SLX4: variants seen among roughly 807,000 people sequenced by gnomAD.
The protein encoded by SLX4 is SLX4 structure-specific endonuclease subunit.
A neutral mutation model predicts 146.2 loss-of-function variants in SLX4; 112 were observed. The observed-to-expected ratio is 0.77, with a 90% CI of 0.66 to 0.90. SLX4 has a LOEUF of 0.90. Among genes scored for constraint, SLX4 ranks in the 40% least tolerant of loss-of-function variants. SLX4 has a pLI of 0.00. For synonymous variants in SLX4, 1,061 were observed against 997.7 expected (o/e 1.06, Z -1.20); for missense variants, 2,563 against 2,392.7 (o/e 1.07, Z -1.49).
intron 14 of SLX4, 26 bp downstream of exon 14, chr16:3,583,071 T>A: frequency 6.2e-7 from 1 of 1,614,138 alleles, no homozygotes. Context: ...ATGAGGCCAC[T>A]GACCCCATCG....
Position 3,582,455 on chromosome 16 carries a change from A to C in SLX4, c.5392T>G (p.Leu1798Val), listed in dbSNP as rs1297712583. Residue 1798 changes from leucine (L) to valine (V), a missense_variant, in exon 15 of 15, where the codon TTG becomes GTG. Coordinates refer to ENST00000294008, the MANE Select transcript of SLX4 (RefSeq NM_032444.4). Reference protein sequence around the residue: ...NGLRVSSRRLLDFLDTHCITF... With the variant: ...NGLRVSSRRLVDFLDTHCITF... ...ATACAGTGGGTGTCCAGGAAGTCCA[A>C]CAGCCTGCGCGAGGACACACGGAGG... The C allele has an allele frequency of 1.9e-6, 3 of 1,613,840 alleles. No homozygotes were observed. The highest frequency in any genetic ancestry group is 2.5e-6 in the Non-Finnish European group (3 of 1,180,040).
At chr16:3,608,262 A>C (rs549503974) in intron 2 of SLX4, among the ~76,000 whole-genome samples, 168 bp downstream of exon 2, 26 of 152,360 alleles carry the variant, frequency 1.7e-4, no homozygotes, top group Admixed American at 7.2e-4. Context: ...TTTTACTGGC[A>C]TATGGCCATG....
chr16:3,583,609 G>A (rs368731354), intron 13 of SLX4, 99 bp from the exon 14 acceptor site: 50 of 1,351,356 alleles, frequency 3.7e-5, no homozygotes, highest in East Asian at 2.3e-4. Flanking sequence ...TGCATTCAGC[G>A]AATGGCTTGT....
chr16:3,582,265 G>C lies in SLX4; in HGVS notation c.*77C>G. 2.3e-6 allele frequency: 3 copies of C among 1,327,648 alleles called. No homozygotes were observed. The highest frequency in any genetic ancestry group is 2.1e-6 in the Non-Finnish European group (2 of 954,522). 82.2% of individuals were successfully genotyped at this position (1,327,648 alleles called of 1,614,324 possible). Reference sequence around the variant, plus strand: ...CCTGTGGAGGCCTGACCCACGCTGGGTGTCCCAGGTCCTCCCTGCAAATGG... The same window carrying C: ...CCTGTGGAGGCCTGACCCACGCTGGCTGTCCCAGGTCCTCCCTGCAAATGG... On this transcript the variant is annotated 3_prime_UTR_variant, in exon 15 of 15. Transcript: ENST00000294008.
chr16:3,591,326 TC>T lies in SLX4; in HGVS notation c.2328-17del. 12 of 1,607,888 alleles carry T rather than the reference TC, an allele frequency of 7.5e-6. No homozygotes were observed. The highest frequency in any genetic ancestry group is 1.0e-5 in the Non-Finnish European group (12 of 1,179,990). ...CACGCCAAACCTGCAACACGAAACA[TC>T]GACAGTCATCGCCCCTCTGCGTGGA... is the stretch of plus-strand genomic sequence containing the variant. On this transcript the variant is annotated splice_polypyrimidine_tract_variant and intron_variant, in intron 11 of 14. Transcript: ENST00000294008.
chr16:3,597,155 AC>A lies in SLX4; in HGVS notation c.1683+223del, dbSNP rs1212184872. ...CATTTTCAACAAACTCCAGGAACAC[AC>A]TCTGGTGGACACCAAGGGTCCTCCC... is the stretch of plus-strand genomic sequence containing the variant. On this transcript the variant is annotated intron_variant, in intron 7 of 14. Coordinates refer to ENST00000294008, the MANE Select transcript of SLX4 (RefSeq NM_032444.4). This position sits in a 1 kb window ranked among gnomAD's most constrained non-coding sequence, Gnocchi z 4.4. Among the ~76,000 whole-genome samples, 3 of 151,978 alleles carry A rather than the reference AC, an allele frequency of 2.0e-5. No individual in the cohort carries two copies. In the East Asian group the frequency reaches 5.9e-4, roughly 30 times the overall value.
At chr16:3,595,808 G>A in intron 8 of SLX4, 115 bp from the exon 9 acceptor site, 1 of 1,193,414 alleles carries the variant, frequency 8.4e-7, no homozygotes, top group Non-Finnish European at 1.2e-6. Context: ...GAAGGTGCTT[G>A]CTATCCGAGG....
intron 12 of SLX4, among the ~76,000 whole-genome samples, chr16:3,587,480 T>C (rs370136563): frequency 1.6e-4 from 25 of 152,088 alleles, no homozygotes; most frequent in South Asian, 6.2e-4. Context: ...TGGTGACACA[T>C]TGGAAACAGT....
At chr16:3,610,584 C>T (rs1365995544) in intron 1 of SLX4, among the ~76,000 whole-genome samples, 1 of 152,196 alleles carries the variant, frequency 6.6e-6, no homozygotes, top group Non-Finnish European at 1.5e-5. Context: ...GGCCTAAAGC[C>T]AGTTCAGGAA....
chr16:3,601,979 T>A, intron 4 of SLX4, 139 bp downstream of exon 4: 1 of 951,278 alleles, frequency 1.1e-6, no homozygotes, highest in Non-Finnish European at 1.6e-6. Context: ...AACGAAGTTA[T>A]TTTTAAAAAG....
At chr16:3,594,655 G>A in intron 9 of SLX4, 56 bp from the exon 10 acceptor site, 1 of 1,611,594 alleles carries the variant, frequency 6.2e-7, no homozygotes, top group South Asian at 1.1e-5. Flanking sequence ...CTGCTAACTG[G>A]GCAGTGGGAA....
At chr16:3,584,896 G>T in intron 12 of SLX4, 25 bp from the exon 13 acceptor site, 1 of 1,512,138 alleles carries the variant, frequency 6.6e-7, no homozygotes, top group Non-Finnish European at 9.2e-7. Context: ...AGAAGCACAC[G>T]TTTTAGCATG....
Position 3,583,222 on chromosome 16 carries a change from T to C in SLX4, c.5028A>G (p.Thr1676=). Residue 1676 remains threonine (T), a synonymous_variant, in exon 14 of 15, where the codon ACA becomes ACG. Transcript: ENST00000294008. ...RHQRKHHESI[T]PPSRSPTKEA... ...CCTTGGTGGGCGACCTGCTTGGGGG[T>C]GTGATGCTTTCATGATGCTTCCTTT... 6.2e-7 allele frequency: 1 copy of C among 1,613,766 alleles called. No homozygotes were observed. Among genetic ancestry groups the C allele is most frequent in the Non-Finnish European group, 8.5e-7 (1 of 1,179,954 alleles).
In SLX4 at chr16:3,583,174, A is replaced by G. The variant is rs367566849; in HGVS notation, c.5076T>C (p.Asp1692=). ...PTKEAPPGLN[D]DAQIPASQES... is the part of the protein sequence containing the mutation. ...CTTGAGAGGCTGGGATCTGGGCGTC[A>G]TCATTGAGGCCTGGAGGTGCCTCCT... Residue 1692 remains aspartate (D), a synonymous_variant, in exon 14 of 15, where the codon GAT becomes GAC. Transcript: ENST00000294008. 2.4e-5 allele frequency: 38 copies of G among 1,614,142 alleles called. No homozygotes were observed. The African/African-American group carries it at 3.7e-4, about 16-fold the overall frequency.
intron 3 of SLX4, 85 bp downstream of exon 3, chr16:3,606,389 A>T: frequency 6.8e-7 from 1 of 1,467,698 alleles, no homozygotes; most frequent in South Asian, 1.1e-5. Flanking sequence ...AAGAAACTCA[A>T]CAAATGCTGA....
chr16:3,596,854 A>G (rs55868835), intron 7 of SLX4, among the ~76,000 whole-genome samples: 9,275 of 140,968 alleles, frequency 0.066, 298 homozygotes, highest in Admixed American at 0.078. Context: ...ACAGAGTCTC[A>G]CTTTGTTGCC....
Position 3,595,683 on chromosome 16 carries a change from C to A in SLX4, c.1935G>T (p.Val645=). Residue 645 remains valine, a synonymous_variant, in exon 9 of 15, where the codon GTG becomes GTT. Coordinates refer to ENST00000294008, the MANE Select transcript of SLX4 (RefSeq NM_032444.4). ...CAGTCAGAGGAAGGCCGCCGGGCAC[C>A]ACGTCCAACCCTGAGTGGAGGATTC... ...AGSEGTAGLD[V]VPGGLPLTGF... is the part of the protein sequence containing the mutation. 6.2e-7 allele frequency: 1 copy of A among 1,614,114 alleles called. No homozygotes were observed. The highest frequency in any genetic ancestry group is 8.5e-7 in the Non-Finnish European group (1 of 1,180,042).
In SLX4 at chr16:3,606,624, G is replaced by A. The variant is rs79842542; in HGVS notation, c.610C>T (p.Arg204Cys). The A allele has an allele frequency of 0.064, 102,869 of 1,614,118 alleles. 3,519 individuals are homozygous for A. The highest frequency in any genetic ancestry group is 0.072 in the African/African-American group (5,435 of 75,010). The change falls in exon 3 of 15, where the codon CGC (arginine) becomes TGC (cysteine). Residue 204 changes from arginine to cysteine, a missense_variant. Arg to Cys is a radical substitution (Grantham distance 180, BLOSUM62 -3). Coordinates refer to ENST00000294008, the MANE Select transcript of SLX4 (RefSeq NM_032444.4). ...CGCTGTAGGACCAATTGTGCTGTGC[G>A]GGGTTTGGAGGGACTTGGCACTGCT... ...TTAVPSPSKPRTAQLVLQRMQ... is the reference protein window; with the variant it reads ...TTAVPSPSKPCTAQLVLQRMQ...
intron 10 of SLX4, among the ~76,000 whole-genome samples, chr16:3,593,996 C>T (rs1461801454): frequency 2.0e-5 from 3 of 152,176 alleles, no homozygotes; most frequent in South Asian, 2.1e-4. Context: ...CTCAGCCTCC[C>T]GAGTAGCTGG....
Sources: allele counts gnomAD v4.1 joint callset (sites outside exome capture counted in the v4.1 genomes callset), GRCh38; gene constraint gnomAD v4.1.1; non-coding constraint Gnocchi (gnomAD v3.1); transcripts MANE v1.5; gene names NCBI Gene and HGNC (gene_info 2026-07-23, HGNC 2026-07-21).